Variants in FSTL5 observed in about 807,000 individuals in gnomAD.
FSTL5 encodes the protein follistatin-related protein 5.
In FSTL5, 62 loss-of-function variants were observed where a neutral mutation model predicts 89.1. That is an observed-to-expected ratio of 0.70 (90% CI 0.57 to 0.86). The LOEUF (loss-of-function observed/expected upper bound fraction) is 0.86. Ranked by LOEUF, FSTL5 falls within the 40% of genes least tolerant of loss-of-function variation. The probability of loss-of-function intolerance (pLI) is 0.00; values close to 1 mark genes in which losing one functional copy is unlikely to be tolerated. For synonymous variants in FSTL5, 383 were observed against 346.2 expected, an observed-to-expected ratio of 1.11 and a Z score of -1.18; for missense variants, 1,057 against 1,001.6, an observed-to-expected ratio of 1.06 and a Z score of -0.75.
At chr4:161,615,293 C>CAACAA (rs1734815271) in intron 7 of FSTL5, among the ~76,000 whole-genome samples, 1 of 26,456 alleles carries the variant, frequency 3.8e-5, no homozygotes, top group African/African-American at 1.4e-4. Flanking sequence ...GACTCTGTCT[C>CAACAA]AAAAAAAAAA....
At chr4:161,441,332 C>T (rs1054966458) in intron 15 of FSTL5, among the ~76,000 whole-genome samples, 2 of 128,232 alleles carry the variant, frequency 1.6e-5, no homozygotes, top group African/African-American at 6.9e-5. Flanking sequence ...TTATAAATTA[C>T]TTAATAAGTA....
chr4:161,723,211 T>A (rs1218163150), intron 6 of FSTL5, among the ~76,000 whole-genome samples: 3 of 152,166 alleles, frequency 2.0e-5, no homozygotes, highest in Non-Finnish European at 4.4e-5. Flanking sequence ...ATTGATTTGA[T>A]TAGACACTTT....
At chr4:161,733,626 C>T (rs149699849) in intron 6 of FSTL5, among the ~76,000 whole-genome samples, 34 of 152,080 alleles carry the variant, frequency 2.2e-4, no homozygotes, top group African/African-American at 7.0e-4. Flanking sequence ...ATACTGATTG[C>T]TAAAGTCTTT....
At chr4:161,887,165 G>A (rs2126917289) in intron 4 of FSTL5, among the ~76,000 whole-genome samples, 1 of 151,992 alleles carries the variant, frequency 6.6e-6, no homozygotes, top group African/African-American at 2.4e-5. Flanking sequence ...TGTTTTCAAG[G>A]GTATCAGCCA....
At chr4:161,668,936 AC>A (rs1292138960) in intron 6 of FSTL5, among the ~76,000 whole-genome samples, 2 of 151,708 alleles carry the variant, frequency 1.3e-5, no homozygotes, top group Non-Finnish European at 1.5e-5. Flanking sequence ...ACATGGTGAA[AC>A]CCCGTCTCTA....
intron 15 of FSTL5, among the ~76,000 whole-genome samples, chr4:161,449,236 C>G (rs1364928035): frequency 1.3e-5 from 2 of 152,090 alleles, no homozygotes; most frequent in East Asian, 3.9e-4. Context: ...CTCCCAAGTA[C>G]AAACATTCAT....
intron 6 of FSTL5, among the ~76,000 whole-genome samples, chr4:161,657,574 C>T (rs1165896316): frequency 6.6e-6 from 1 of 152,122 alleles, no homozygotes; most frequent in Non-Finnish European, 1.5e-5. Context: ...TGGCTGCATT[C>T]TTCTTGAGAA....
chr4:161,692,985 G>T (rs1361973692), intron 6 of FSTL5, among the ~76,000 whole-genome samples: 1 of 152,268 alleles, frequency 6.6e-6, no homozygotes, highest in African/African-American at 2.4e-5. Flanking sequence ...TCCTCCCAAA[G>T]TGCTGGGATT....
chr4:161,976,626 C>T (rs1246260851), intron 3 of FSTL5, among the ~76,000 whole-genome samples: 1 of 152,036 alleles, frequency 6.6e-6, no homozygotes, highest in African/African-American at 2.4e-5. Flanking sequence ...GGACTACAGG[C>T]GCCCGCCACC....
At chr4:161,885,429 C>T (rs1033852124) in intron 4 of FSTL5, among the ~76,000 whole-genome samples, 1 of 152,014 alleles carries the variant, frequency 6.6e-6, no homozygotes, top group Non-Finnish European at 1.5e-5. Context: ...AAAAGCCTTA[C>T]CATATCCATA....
intron 2 of FSTL5, among the ~76,000 whole-genome samples, chr4:162,091,218 T>C (rs1730536527): frequency 1.3e-5 from 2 of 152,172 alleles, no homozygotes; most frequent in Non-Finnish European, 2.9e-5. Flanking sequence ...ATATGCTCCA[T>C]TGCACTCTGC....
At chr4:161,986,642 T>C (rs183752904) in intron 3 of FSTL5, among the ~76,000 whole-genome samples, 145 of 152,332 alleles carry the variant, frequency 9.5e-4, no homozygotes, top group African/African-American at 3.3e-3. Context: ...ATATGCACAT[T>C]ATTATTTAAA....
At chr4:161,875,184 T>G (rs893219049) in intron 4 of FSTL5, among the ~76,000 whole-genome samples, 1 of 152,182 alleles carries the variant, frequency 6.6e-6, no homozygotes, top group Non-Finnish European at 1.5e-5. Flanking sequence ...CAAGGCTGTT[T>G]AAGGCCAACT....
At chr4:161,997,071 T>C (rs1322619282) in intron 3 of FSTL5, among the ~76,000 whole-genome samples, 2 of 152,194 alleles carry the variant, frequency 1.3e-5, no homozygotes, top group Admixed American at 1.3e-4. Flanking sequence ...TTGTTTTTAT[T>C]TTATTGTTTT....
chr4:161,879,029 A>G (rs1488999426), intron 4 of FSTL5, among the ~76,000 whole-genome samples: 1 of 152,038 alleles, frequency 6.6e-6, no homozygotes, highest in Non-Finnish European at 1.5e-5. Flanking sequence ...TCTCCACTTA[A>G]CTATTTAATA....
chr4:162,084,294 G>T (rs911544113), intron 2 of FSTL5, among the ~76,000 whole-genome samples: 2 of 151,700 alleles, frequency 1.3e-5, no homozygotes, highest in African/African-American at 2.4e-5. Context: ...CTGGAGTCAG[G>T]TTTATATTGC....
intron 13 of FSTL5, among the ~76,000 whole-genome samples, chr4:161,462,177 C>T (rs1006222959): frequency 3.9e-5 from 6 of 152,194 alleles, no homozygotes; most frequent in African/African-American, 1.4e-4. Flanking sequence ...TGGAGGTCCT[C>T]CAGCCAATAA....
chr4:161,776,124 A>AT, intron 4 of FSTL5, 50 bp from the exon 5 acceptor site: 1 of 923,564 alleles, frequency 1.1e-6, no homozygotes. Context: ...GAAAAGAAAT[A>AT]GTTTATTTAA....
In FSTL5 at chr4:161,931,697, G is replaced by T. The variant is rs114770994; in HGVS notation, c.161-11045C>A. ...AAGTTTTTGGACTGCAAAGAAAGTG[G>T]ATGCCAGATTTGAGCCTTAAAGTCA... On this transcript the variant is annotated intron_variant, in intron 3 of 15. Coordinates refer to ENST00000306100, the MANE Select transcript of FSTL5 (RefSeq NM_020116.5). Among the ~76,000 whole-genome samples the T allele has an allele frequency of 2.2e-3, 337 of 152,004 alleles. 2 individuals carry two copies. Among genetic ancestry groups the T allele is most frequent in the African/African-American group, 7.8e-3 (324 of 41,506 alleles).
Sources: allele counts gnomAD v4.1 joint callset (sites outside exome capture counted in the v4.1 genomes callset), GRCh38; gene constraint gnomAD v4.1.1; transcripts MANE v1.5; gene names NCBI Gene and HGNC (gene_info 2026-07-23, HGNC 2026-07-21).